Variants in SERPINH1 observed in about 807,000 individuals in gnomAD.
SERPINH1 encodes the protein serpin family H member 1.
Under a neutral mutation model 32.3 loss-of-function variants are expected in SERPINH1, and 22 were observed. The ratio of observed to expected loss-of-function variants is 0.68; its 90% CI spans 0.49 to 0.97. The LOEUF (loss-of-function observed/expected upper bound fraction) is 0.97, where lower values mean the gene tolerates loss of function less well. SERPINH1 is among the 50% of genes least tolerant of loss of function. The probability of loss-of-function intolerance (pLI) is 0.00; values close to 1 mark genes in which losing one functional copy is unlikely to be tolerated. For missense variants in SERPINH1, 543 were observed against 576.4 expected (o/e 0.94, Z 0.59); for synonymous variants, 251 against 245.9 (o/e 1.02, Z -0.19).
rs1942158172 is a variant in SERPINH1 at position 75,569,387 on chromosome 11, G to C, written c.954+216G>C. On this transcript the variant is annotated intron_variant, in intron 4 of 4. Coordinates refer to ENST00000358171, the MANE Select transcript of SERPINH1 (RefSeq NM_001235.5). ...CAGCTAAATATAACGGAACATTCCTGTATGCTAGGCGTTCTTCTAAGCACT... is the reference window on the plus strand; with the variant it reads ...CAGCTAAATATAACGGAACATTCCTCTATGCTAGGCGTTCTTCTAAGCACT... 9 of 584,366 alleles carry C rather than the reference G, an allele frequency of 1.5e-5. No homozygotes were observed. The East Asian group carries it at 2.5e-4, about 16-fold the overall frequency. 36.2% of individuals were successfully genotyped at this position (584,366 alleles called of 1,614,324 possible).
rs748749367 is a variant in SERPINH1 at position 75,566,989 on chromosome 11, T to G, written c.622+18T>G. 8 of 1,567,352 alleles carry G rather than the reference T, an allele frequency of 5.1e-6. No homozygotes were observed. In the Admixed American group the frequency reaches 1.4e-4, roughly 27 times the overall value. On this transcript the variant is annotated intron_variant, in intron 2 of 4. Coordinates refer to ENST00000358171, the MANE Select transcript of SERPINH1 (RefSeq NM_001235.5). ...CTTCAAGCGTGAGTCGGGGGCGCGTTCAGGGGTCCTCCTCCTCCTCCCAGG... is the reference window on the plus strand; with the variant it reads ...CTTCAAGCGTGAGTCGGGGGCGCGTGCAGGGGTCCTCCTCCTCCTCCCAGG...
intron 4 of SERPINH1, among the ~76,000 whole-genome samples, chr11:75,570,265 A>T (rs1942173155): frequency 6.6e-6 from 1 of 152,192 alleles, no homozygotes; most frequent in South Asian, 2.1e-4. Context: ...CTTGCTGCCC[A>T]GAGAGCTTGG....
At chr11:75,571,754 A>T in intron 4 of SERPINH1, 27 bp from the exon 5 acceptor site, 1 of 1,609,736 alleles carries the variant, frequency 6.2e-7, no homozygotes, top group Non-Finnish European at 8.5e-7. Context: ...CCATGGCCTC[A>T]CCTGGCACAC....
chr11:75,568,865 G>A (rs1043144934), intron 3 of SERPINH1, 36 bp downstream of exon 3: 2 of 1,603,124 alleles, frequency 1.2e-6, no homozygotes, highest in African/African-American at 2.7e-5. Context: ...CAAGGTGGGT[G>A]GGGGTCCAAG....
intron 2 of SERPINH1, chr11:75,568,483 T>C: frequency 1.8e-6 from 1 of 550,676 alleles, no homozygotes; most frequent in South Asian, 1.9e-5. Context: ...TTCTCTATCA[T>C]ATGGGAGCAG....
chr11:75,570,105 G>A (rs74381725), intron 4 of SERPINH1, among the ~76,000 whole-genome samples: 2,172 of 152,210 alleles, frequency 0.014, 24 homozygotes, highest in Non-Finnish European at 0.023. Flanking sequence ...CTCATAAGTG[G>A]TGGAGTTGCA....
At chr11:75,570,564 C>A (rs1790304) in intron 4 of SERPINH1, among the ~76,000 whole-genome samples, 1 of 152,170 alleles carries the variant, frequency 6.6e-6, no homozygotes, top group East Asian at 1.9e-4. Context: ...CAAGGTCATC[C>A]GGGTGGGAAG....
At chr11:75,568,464 C>A in intron 2 of SERPINH1, 1 of 515,610 alleles carries the variant, frequency 1.9e-6, no homozygotes, top group Non-Finnish European at 3.5e-6. Flanking sequence ...GACCTGAGGG[C>A]GGAATTAATT....
intron 1 of SERPINH1, 90 bp from the exon 2 acceptor site, chr11:75,566,226 G>T (rs1942069032): frequency 1.7e-6 from 2 of 1,202,998 alleles, no homozygotes; most frequent in African/African-American, 3.0e-5. Context: ...CCCATCTCCA[G>T]GGGACTTGTG....
Position 75,566,586 on chromosome 11 carries a change from G to C in SERPINH1, c.237G>C (p.Gly79=), listed in dbSNP as rs146831880. ...CCGTGGTGGTGGCCTCGTCGCTAGG[G>C]CTCGTGTCGCTGGGCGGCAAGGCGA... ...VSPVVVASSL[G]LVSLGGKATT... Residue 79 remains glycine (G), a synonymous_variant, in exon 2 of 5, where the codon GGG becomes GGC. Transcript: ENST00000358171. The C allele has an allele frequency of 6.2e-7, 1 of 1,608,550 alleles. No individual in the cohort carries two copies. Among genetic ancestry groups the C allele is most frequent in the East Asian group, 2.2e-5 (1 of 44,808 alleles).
chr11:75,565,118 G>T (rs1182480515), intron 1 of SERPINH1, among the ~76,000 whole-genome samples: 1 of 152,224 alleles, frequency 6.6e-6, no homozygotes, highest in East Asian at 1.9e-4. Context: ...AGTATCCCAG[G>T]AACAGAGACT....
Position 75,572,344 on chromosome 11 carries a change from T to G in SERPINH1, c.*261T>G, listed in dbSNP as rs1942214073. 2 of 554,976 alleles carry G rather than the reference T, an allele frequency of 3.6e-6. No individual in the cohort carries two copies. Among genetic ancestry groups the G allele is most frequent in the Admixed American group, 3.0e-5 (1 of 33,138 alleles). 34.4% of individuals were successfully genotyped at this position (554,976 alleles called of 1,614,324 possible). On this transcript the variant is annotated 3_prime_UTR_variant, in exon 5 of 5. Coordinates refer to ENST00000358171, the MANE Select transcript of SERPINH1 (RefSeq NM_001235.5). ...GGACCTGGGCCATAGTCATTCTGCC[T>G]GCCCTGAAAGTCCCAGATCAAGCCT...
intron 1 of SERPINH1, chr11:75,563,857 C>T (rs999882857): frequency 6.5e-6 from 1 of 152,810 alleles, no homozygotes; most frequent in Admixed American, 6.5e-5. Flanking sequence ...CTCAGTCCAG[C>T]TAGCTGTGGG....
chr11:75,567,233 G>C (rs557109338), intron 2 of SERPINH1, among the ~76,000 whole-genome samples: 3 of 152,366 alleles, frequency 2.0e-5, no homozygotes, highest in Middle Eastern at 6.8e-3. Context: ...TCGTCAAAGT[G>C]CTCGTCCTTG....
intron 1 of SERPINH1, 111 bp from the exon 2 acceptor site, chr11:75,566,205 G>T (rs1942068469): frequency 2.1e-6 from 2 of 945,596 alleles, no homozygotes; most frequent in Admixed American, 4.5e-5. Context: ...TGGACTGTGG[G>T]CTCTCTTGCC....
At chr11:75,562,884 G>C (rs2135547930) in intron 1 of SERPINH1, 1 of 152,280 alleles carries the variant, frequency 6.6e-6, no homozygotes, top group East Asian at 1.9e-4. Context: ...CGACTCCTGG[G>C]GTCCGTGTGC....
chr11:75,564,888 T>C (rs1942046462), intron 1 of SERPINH1, among the ~76,000 whole-genome samples: 1 of 152,158 alleles, frequency 6.6e-6, no homozygotes, highest in Admixed American at 6.5e-5. Context: ...TTCCCAGAAA[T>C]ACAGTGGTCC....
In SERPINH1 at chr11:75,568,961, C is replaced by G; in HGVS notation, c.744C>G (p.Asp248Glu). The change falls in exon 4 of 5, where the codon GAC (aspartate) becomes GAG (glutamate). Residue 248 changes from aspartate to glutamate, a missense_variant. This residue lies in a region of SERPINH1 where 427 missense variants were observed against 446.4 expected (regional missense o/e 0.96). Transcript: ENST00000358171. ...HRTGLYNYYD[D>E]EKEKLQIVEM... The stretch of plus-strand genomic sequence containing the variant: ...CAGGCCTCTACAACTACTACGACGA[C>G]GAGAAGGAAAAGCTGCAAATCGTGG... The G allele has an allele frequency of 1.2e-6, 2 of 1,614,012 alleles. No homozygotes were observed. The highest frequency in any genetic ancestry group is 3.3e-4 in the Middle Eastern group (2 of 6,060).
rs11236458 is a variant in SERPINH1, at chr11:75,567,621, C to T, written c.622+650C>T. Among the ~76,000 whole-genome samples, 1,948 of 152,322 alleles carry T rather than the reference C, an allele frequency of 0.013. 235 individuals carry two copies. The East Asian group carries it at 0.28, about 22-fold the overall frequency. On this transcript the variant is annotated intron_variant, in intron 2 of 4. Coordinates refer to ENST00000358171, the MANE Select transcript of SERPINH1 (RefSeq NM_001235.5). Reference sequence around the variant, plus strand: ...ACAGGTGCGAGCCACCATGTGCGGCCAAGACCCAGAATCCTTAAAGCAACC... The same window carrying T: ...ACAGGTGCGAGCCACCATGTGCGGCTAAGACCCAGAATCCTTAAAGCAACC...
Sources: allele counts gnomAD v4.1 joint callset (sites outside exome capture counted in the v4.1 genomes callset), GRCh38; gene constraint gnomAD v4.1.1; regional missense constraint gnomAD v4.1.1; transcripts MANE v1.5; gene names NCBI Gene and HGNC (gene_info 2026-07-23, HGNC 2026-07-21).